ZNF330: variants seen among roughly 807,000 people sequenced by gnomAD.
ZNF330 encodes the protein nucleolar atypical zinc finger.
Under a neutral mutation model 45.5 loss-of-function variants are expected in ZNF330, and 31 were observed. The ratio of observed to expected loss-of-function variants is 0.68; its 90% CI spans 0.51 to 0.92. The LOEUF is 0.92. Ranked by LOEUF, ZNF330 falls within the 40% of genes least tolerant of loss-of-function variation. ZNF330 has a pLI of 0.00. For synonymous variants in ZNF330, 138 were observed against 123.2 expected, an observed-to-expected ratio of 1.12 and a Z score of -0.79; for missense variants, 356 against 387.4, an observed-to-expected ratio of 0.92 and a Z score of 0.68.
intron 4 of ZNF330, among the ~76,000 whole-genome samples, chr4:141,225,313 T>G (rs574436751): frequency 1.3e-5 from 2 of 152,194 alleles, no homozygotes; most frequent in African/African-American, 4.8e-5. Context: ...TCCACAGACT[T>G]CCTGAAATAT....
intron 2 of ZNF330, chr4:141,223,834 C>A (rs1728741164): frequency 2.2e-6 from 1 of 454,520 alleles, no homozygotes; most frequent in Admixed American, 2.4e-5. Flanking sequence ...GTGGGATTTT[C>A]ACCAGAACTT....
upstream of ZNF330, chr4:141,220,790 C>G (rs1432786042): frequency 6.6e-6 from 1 of 152,418 alleles, no homozygotes; most frequent in Middle Eastern, 3.4e-3. Flanking sequence ...TCTGCAGATC[C>G]TCTGCTTAGG....
At chr4:141,227,595 A>G (rs1048897766) in intron 5 of ZNF330, among the ~76,000 whole-genome samples, 1 of 152,158 alleles carries the variant, frequency 6.6e-6, no homozygotes, top group Non-Finnish European at 1.5e-5. Flanking sequence ...GCCACAATAA[A>G]CATACGTGTG....
chr4:141,227,237 C>T (rs980686704), intron 5 of ZNF330, among the ~76,000 whole-genome samples: 3 of 151,620 alleles, frequency 2.0e-5, no homozygotes, highest in East Asian at 1.9e-4. Flanking sequence ...CCCATTAACT[C>T]GTCATTTAGC....
chr4:141,224,449 C>T lies in ZNF330; in HGVS notation c.121-38C>T, dbSNP rs541047533. The T allele has an allele frequency of 3.1e-6, 5 of 1,590,096 alleles. No individual in the cohort carries two copies. In the South Asian group the frequency reaches 4.6e-5, roughly 15 times the overall value. Reference sequence around the variant, plus strand: ...TACAAGTAAATTTGCAGTTTTCAGTCAGCAGAAAAATTAATGTGATATTTT... The same window carrying T: ...TACAAGTAAATTTGCAGTTTTCAGTTAGCAGAAAAATTAATGTGATATTTT... On this transcript the variant is annotated intron_variant, in intron 2 of 9. Transcript: ENST00000262990.
Position 141,223,288 on chromosome 4 carries a change from C to T in ZNF330, c.120+797C>T, listed in dbSNP as rs561286967. ...TTGTTTATAAATGACAGAAATCTAACTTAAATTAATCTTAGGGAAAAATAG... is the reference window on the plus strand; with the variant it reads ...TTGTTTATAAATGACAGAAATCTAATTTAAATTAATCTTAGGGAAAAATAG... On this transcript the variant is annotated intron_variant, in intron 2 of 9. Coordinates refer to ENST00000262990, the MANE Select transcript of ZNF330 (RefSeq NM_014487.6). 2.6e-5 allele frequency among the ~76,000 whole-genome samples: 4 copies of T among 152,174 alleles called. No individual in the cohort carries two copies. In the East Asian group the frequency reaches 7.7e-4, roughly 29 times the overall value.
chr4:141,229,082 C>G (rs1399216195), intron 5 of ZNF330, among the ~76,000 whole-genome samples: 1 of 151,908 alleles, frequency 6.6e-6, no homozygotes, highest in East Asian at 1.9e-4. Context: ...AAAAAAGAAG[C>G]TGGCAGAAGT....
At chr4:141,229,500 T>G (rs1164515637) in intron 5 of ZNF330, 71 bp from the exon 6 acceptor site, 1 of 1,592,142 alleles carries the variant, frequency 6.3e-7, no homozygotes, top group Admixed American at 1.7e-5. Flanking sequence ...GTTTTGATGG[T>G]TGCCGTGGTT....
chr4:141,228,633 C>A (rs1245507156), intron 5 of ZNF330, among the ~76,000 whole-genome samples: 1 of 151,964 alleles, frequency 6.6e-6, no homozygotes, highest in African/African-American at 2.4e-5. Context: ...TTTGCAAGAA[C>A]CCTGGCTGAT....
intron 5 of ZNF330, among the ~76,000 whole-genome samples, chr4:141,228,068 G>A (rs1015570820): frequency 2.0e-5 from 3 of 151,952 alleles, no homozygotes; most frequent in Admixed American, 6.6e-5. Flanking sequence ...TTTTATTTAT[G>A]GTAAATTTCC....
Position 141,234,684 on chromosome 4 carries a change from T to G in ZNF330, c.*695T>G, listed in dbSNP as rs1435997428. 1 of 152,212 alleles carries G rather than the reference T, an allele frequency of 6.6e-6. No individual in the cohort carries two copies. The highest frequency in any genetic ancestry group is 1.9e-4 in the East Asian group (1 of 5,200). 9.4% of individuals were successfully genotyped at this position (152,212 alleles called of 1,614,324 possible). A position where few individuals can be genotyped will look rare whatever the true frequency, so the allele number is the denominator to read the frequency against. ...TTTTATTTCTCTTTGAATAAATCTA[T>G]TATTTCACTTAAATACTTTTGACAT... is the stretch of plus-strand genomic sequence containing the variant. On this transcript the variant is annotated 3_prime_UTR_variant, in exon 10 of 10. Coordinates refer to ENST00000262990, the MANE Select transcript of ZNF330 (RefSeq NM_014487.6).
chr4:141,221,233 G>T, intron 1 of ZNF330, 125 bp downstream of exon 1: 1 of 154,240 alleles, frequency 6.5e-6, no homozygotes, highest in Non-Finnish European at 1.5e-5. Flanking sequence ...GCTCCAGGCT[G>T]GACTCCTAAA....
At chr4:141,231,744 A>G (rs1728964747) in intron 8 of ZNF330, among the ~76,000 whole-genome samples, 1 of 152,072 alleles carries the variant, frequency 6.6e-6, no homozygotes, top group South Asian at 2.1e-4. Context: ...TTAGTGGAGA[A>G]CATTCTGACC....
rs553835235 is a variant in ZNF330 at position 141,222,567 on chromosome 4, AT to A, written c.120+80del. ...TTTATCTGACGTATACCTGAATAAA[AT>A]TTTAGTGAAGACAGTGTTTTTGCAT... On this transcript the variant is annotated intron_variant, in intron 2 of 9. Coordinates refer to ENST00000262990, the MANE Select transcript of ZNF330 (RefSeq NM_014487.6). 4.3e-4 allele frequency: 645 copies of A among 1,483,964 alleles called. 3 individuals carry two copies. In the African/African-American group the frequency reaches 8.1e-3, roughly 19 times the overall value. 91.9% of individuals were successfully genotyped at this position (1,483,964 alleles called of 1,614,324 possible).
chr4:141,224,458 A>T, intron 2 of ZNF330, 29 bp from the exon 3 acceptor site: 1 of 1,595,634 alleles, frequency 6.3e-7, no homozygotes, highest in Non-Finnish European at 8.5e-7. Context: ...TCAGCAGAAA[A>T]ATTAATGTGA....
rs1047736597 is a variant in ZNF330 at position 141,231,618 on chromosome 4, T to C, written c.570+133T>C. 3.1e-5 allele frequency: 18 copies of C among 587,846 alleles called. No homozygotes were observed. The African/African-American group carries it at 3.1e-4, about 10-fold the overall frequency. 36.4% of individuals were successfully genotyped at this position (587,846 alleles called of 1,614,324 possible). On this transcript the variant is annotated intron_variant, in intron 8 of 9. Transcript: ENST00000262990. Reference sequence around the variant, plus strand: ...ATTATGTAGTCTAATTCTTTTATTTTTGAGACTGTGGAATTGAAGTTGAGA... The same window carrying C: ...ATTATGTAGTCTAATTCTTTTATTTCTGAGACTGTGGAATTGAAGTTGAGA...
At chr4:141,222,897 G>A (rs973148461) in intron 2 of ZNF330, 8 of 155,384 alleles carry the variant, frequency 5.1e-5, no homozygotes, top group Admixed American at 1.9e-4. Context: ...GTGCTAAGTG[G>A]GTTAGTCCTG....
At chr4:141,226,913 G>T in intron 5 of ZNF330, 67 bp downstream of exon 5, 1 of 1,303,352 alleles carries the variant, frequency 7.7e-7, no homozygotes, top group African/African-American at 1.5e-5. Flanking sequence ...TCTGATCAGT[G>T]GTTATTTTTT....
chr4:141,232,868 G>C (rs1728992656), intron 9 of ZNF330, among the ~76,000 whole-genome samples: 1 of 151,744 alleles, frequency 6.6e-6, no homozygotes, highest in Non-Finnish European at 1.5e-5. Flanking sequence ...ATTTGCCTTA[G>C]TTAATGACAG....
Sources: allele counts gnomAD v4.1 joint callset (sites outside exome capture counted in the v4.1 genomes callset), GRCh38; gene constraint gnomAD v4.1.1; transcripts MANE v1.5; gene names NCBI Gene and HGNC (gene_info 2026-07-23, HGNC 2026-07-21).